SPOCK1: variants seen among roughly 807,000 people sequenced by gnomAD.
SPOCK1 encodes the protein testican-1.
In SPOCK1, 23 loss-of-function variants were observed where a neutral mutation model predicts 55.3. The ratio of observed to expected loss-of-function variants is 0.42; its 90% CI spans 0.30 to 0.59. The LOEUF (loss-of-function observed/expected upper bound fraction) is 0.59, where lower values mean the gene tolerates loss of function less well. SPOCK1 is among the 20% of genes least tolerant of loss of function. The pLI is 0.22. For synonymous variants in SPOCK1, 226 were observed against 221.0 expected (o/e 1.02, Z -0.20); for missense variants, 499 against 552.5 (o/e 0.90, Z 0.97).
At chr5:137,470,404 G>A (rs906774265) in intron 2 of SPOCK1, among the ~76,000 whole-genome samples, 1 of 152,230 alleles carries the variant, frequency 6.6e-6, no homozygotes, top group African/African-American at 2.4e-5. Context: ...TATGCTGTTT[G>A]TCTTATCCAC....
intron 5 of SPOCK1, among the ~76,000 whole-genome samples, chr5:137,074,663 C>T (rs1489425582): frequency 6.6e-6 from 1 of 151,662 alleles, no homozygotes; most frequent in South Asian, 2.1e-4. Context: ...ATTACAGGCA[C>T]CTGCCACCAT....
chr5:137,272,565 G>A (rs1756985031), intron 2 of SPOCK1, among the ~76,000 whole-genome samples: 2 of 152,112 alleles, frequency 1.3e-5, no homozygotes, highest in Non-Finnish European at 2.9e-5. Context: ...CCCCATCTCT[G>A]GTGAGGAGCC....
intron 9 of SPOCK1, among the ~76,000 whole-genome samples, chr5:136,983,778 G>A (rs950804023): frequency 2.4e-5 from 3 of 123,672 alleles, no homozygotes; most frequent in Non-Finnish European, 3.9e-5. Flanking sequence ...TAAGCAAATG[G>A]CATTTTTTCT....
chr5:137,492,266 G>A (rs1428029651), intron 2 of SPOCK1, among the ~76,000 whole-genome samples: 1 of 152,330 alleles, frequency 6.6e-6, no homozygotes, highest in Non-Finnish European at 1.5e-5. Context: ...AGGAATGGGT[G>A]CCTAACGCCG....
chr5:137,021,523 TACAC>T (rs1312010192), intron 6 of SPOCK1, among the ~76,000 whole-genome samples: 4 of 152,200 alleles, frequency 2.6e-5, no homozygotes, highest in African/African-American at 7.2e-5. Flanking sequence ...GTTTATCCCT[TACAC>T]ACATTTCATA....
At chr5:137,289,136 C>T (rs1165006874) in intron 2 of SPOCK1, among the ~76,000 whole-genome samples, 2 of 152,216 alleles carry the variant, frequency 1.3e-5, no homozygotes, top group Admixed American at 6.5e-5. Flanking sequence ...ATGAAGCAAG[C>T]TTCATAGAGT....
chr5:137,478,313 C>T (rs1167658037), intron 2 of SPOCK1, among the ~76,000 whole-genome samples: 2 of 152,104 alleles, frequency 1.3e-5, no homozygotes, highest in Admixed American at 1.3e-4. Context: ...CACCCACCAA[C>T]AGATCAGATA....
At chr5:137,184,843 C>G (rs1755036197) in intron 3 of SPOCK1, among the ~76,000 whole-genome samples, 1 of 152,106 alleles carries the variant, frequency 6.6e-6, no homozygotes, top group African/African-American at 2.4e-5. Context: ...CTAGGAGGCC[C>G]TGGAATTGCA....
At chr5:137,274,828 C>T (rs1218824927) in intron 2 of SPOCK1, among the ~76,000 whole-genome samples, 3 of 152,180 alleles carry the variant, frequency 2.0e-5, no homozygotes, top group South Asian at 2.1e-4. Flanking sequence ...GCATATTTTG[C>T]GTAAAGGGCA....
intron 3 of SPOCK1, among the ~76,000 whole-genome samples, chr5:137,231,099 A>G (rs1162693868): frequency 6.6e-6 from 1 of 151,660 alleles, no homozygotes; most frequent in Non-Finnish European, 1.5e-5. Flanking sequence ...GCTGGAGTAT[A>G]ATGGCATGAT....
chr5:136,985,559 G>A (rs565097041), intron 8 of SPOCK1, among the ~76,000 whole-genome samples: 10 of 152,252 alleles, frequency 6.6e-5, no homozygotes, highest in Admixed American at 6.5e-4. Context: ...GAAGTGTTCT[G>A]AATCCACAGA....
intron 3 of SPOCK1, among the ~76,000 whole-genome samples, chr5:137,157,966 G>A (rs571455946): frequency 2.0e-5 from 3 of 152,178 alleles, no homozygotes; most frequent in Admixed American, 1.3e-4. Context: ...GGAGGCTGAG[G>A]CCGGAGAATC....
chr5:137,068,018 G>A lies in SPOCK1; in HGVS notation c.475-189C>T, dbSNP rs536239534. ...GGCCTTTTATATTTTACCAAATGCAGAGGATAACTTCTAAAAACACTGTGG... is the reference window on the plus strand; with the variant it reads ...GGCCTTTTATATTTTACCAAATGCAAAGGATAACTTCTAAAAACACTGTGG... On this transcript the variant is annotated intron_variant, in intron 5 of 10. Transcript: ENST00000394945. Among the ~76,000 whole-genome samples, 3 of 152,298 alleles carry A rather than the reference G, an allele frequency of 2.0e-5. No individual in the cohort carries two copies. In the South Asian group the frequency reaches 6.2e-4, roughly 32 times the overall value.
chr5:137,101,430 A>G (rs1202480075), intron 5 of SPOCK1, among the ~76,000 whole-genome samples: 1 of 152,246 alleles, frequency 6.6e-6, no homozygotes, highest in Non-Finnish European at 1.5e-5. Flanking sequence ...GACAACAAGA[A>G]GGTATTCTTC....
chr5:137,167,656 TA>T (rs1258948414), intron 3 of SPOCK1, among the ~76,000 whole-genome samples: 1 of 151,984 alleles, frequency 6.6e-6, no homozygotes, highest in African/African-American at 2.4e-5. Flanking sequence ...TTGAAATTAA[TA>T]ACAAGAATTT....
intron 6 of SPOCK1, among the ~76,000 whole-genome samples, chr5:137,059,554 C>A (rs1051787774): frequency 1.3e-5 from 2 of 152,110 alleles, no homozygotes; most frequent in Non-Finnish European, 2.9e-5. Context: ...GATTTTATGA[C>A]AAAGATGCCA....
At chr5:137,306,916 C>A (rs1422448034) in intron 2 of SPOCK1, among the ~76,000 whole-genome samples, 1 of 152,156 alleles carries the variant, frequency 6.6e-6, no homozygotes, top group Non-Finnish European at 1.5e-5. Context: ...CATGTTTGAA[C>A]AACTGCAATC....
chr5:137,292,608 G>A (rs1486922446), intron 2 of SPOCK1, among the ~76,000 whole-genome samples: 1 of 152,138 alleles, frequency 6.6e-6, no homozygotes, highest in Non-Finnish European at 1.5e-5. Flanking sequence ...CTAGTGCATA[G>A]CCAGCTAGTC....
Position 137,101,431 on chromosome 5 carries a change from G to A in SPOCK1, c.474+11004C>T, listed in dbSNP as rs186679684. Among the ~76,000 whole-genome samples the A allele has an allele frequency of 2.0e-4, 31 of 152,270 alleles. No homozygotes were observed. In the East Asian group the frequency reaches 5.2e-3, roughly 26 times the overall value. On this transcript the variant is annotated intron_variant, in intron 5 of 10. Coordinates refer to ENST00000394945, the MANE Select transcript of SPOCK1 (RefSeq NM_004598.4). Reference sequence around the variant, plus strand: ...CATTCAACAGAACTGACAACAAGAAGGTATTCTTCCTAATGTGTTTTTAAC... The same window carrying A: ...CATTCAACAGAACTGACAACAAGAAAGTATTCTTCCTAATGTGTTTTTAAC...
Sources: gnomAD v4.1 joint callset for allele counts (sites outside exome capture counted in the v4.1 genomes callset) on GRCh38, gnomAD v4.1.1 for gene constraint, MANE v1.5 for transcripts, NCBI Gene and HGNC (gene_info 2026-07-23, HGNC 2026-07-21) for gene names.